The following MTMR7 variants were observed in gnomAD, a reference collection of about 807,000 sequenced individuals.
MTMR7 encodes the protein myotubularin related protein 7.
MTMR7 carries 76 observed loss-of-function variants against 81.2 expected under a neutral mutation model. That is an observed-to-expected ratio of 0.94 (90% confidence interval 0.78 to 1.13). The LOEUF (loss-of-function observed/expected upper bound fraction) is 1.13. Among genes scored for constraint, MTMR7 ranks in the 50% most tolerant of loss-of-function variants. MTMR7 has a pLI of 0.00. For synonymous variants in MTMR7, 372 were observed against 289.8 expected, an observed-to-expected ratio of 1.28 and a Z score of -2.88; for missense variants, 1,044 against 820.0, an observed-to-expected ratio of 1.27 and a Z score of -3.34.
At chr8:17,332,142 G>A (rs887449104) in intron 6 of MTMR7, among the ~76,000 whole-genome samples, 1 of 152,086 alleles carries the variant, frequency 6.6e-6, no homozygotes, top group Admixed American at 6.6e-5. Flanking sequence ...AACAGCATTC[G>A]CTGACCATTC....
intron 6 of MTMR7, among the ~76,000 whole-genome samples, chr8:17,337,125 A>T (rs1351959030): frequency 1.3e-5 from 2 of 152,146 alleles, no homozygotes; most frequent in African/African-American, 4.8e-5. Context: ...TAATCCTAGC[A>T]CTTTGGGAGG....
chr8:17,327,022 A>T (rs1818716337), intron 7 of MTMR7, among the ~76,000 whole-genome samples: 1 of 152,248 alleles, frequency 6.6e-6, no homozygotes, highest in Admixed American at 6.5e-5. Context: ...CTTTCTTCAG[A>T]CATATGATTT....
intron 1 of MTMR7, among the ~76,000 whole-genome samples, chr8:17,409,082 A>G (rs897344983): frequency 2.6e-5 from 4 of 152,208 alleles, no homozygotes; most frequent in South Asian, 2.1e-4. Flanking sequence ...CTAATACTAT[A>G]AGATCCACAA....
At chr8:17,348,917 G>A (rs778949168) in intron 5 of MTMR7, 36 bp downstream of exon 5, 8 of 1,612,460 alleles carry the variant, frequency 5.0e-6, no homozygotes, top group East Asian at 2.2e-5. Context: ...AACTAGAAAA[G>A]CAAAGTGTAA....
At chr8:17,395,857 A>C (rs910981428) in intron 1 of MTMR7, among the ~76,000 whole-genome samples, 25 of 152,284 alleles carry the variant, frequency 1.6e-4, no homozygotes, top group African/African-American at 5.8e-4. Flanking sequence ...TAAGCATAGA[A>C]ACCAGAAAAA....
intron 1 of MTMR7, among the ~76,000 whole-genome samples, chr8:17,398,439 G>T (rs1232719320): frequency 6.6e-6 from 1 of 152,032 alleles, no homozygotes; most frequent in Non-Finnish European, 1.5e-5. Context: ...CTTAATAGCA[G>T]AATTGACCAA....
chr8:17,405,736 G>C (rs761581035), intron 1 of MTMR7, among the ~76,000 whole-genome samples: 1 of 151,670 alleles, frequency 6.6e-6, no homozygotes, highest in Admixed American at 6.6e-5. Flanking sequence ...TCATAATGTG[G>C]ACTATGTGGT....
At chr8:17,317,767 G>A (rs1258669567) in intron 7 of MTMR7, among the ~76,000 whole-genome samples, 1 of 152,110 alleles carries the variant, frequency 6.6e-6, no homozygotes, top group Non-Finnish European at 1.5e-5. Flanking sequence ...AGCTTACTTT[G>A]GGGTTTCTCA....
intron 1 of MTMR7, among the ~76,000 whole-genome samples, chr8:17,386,350 G>C (rs1019045714): frequency 6.6e-6 from 1 of 152,180 alleles, no homozygotes; most frequent in Non-Finnish European, 1.5e-5. Flanking sequence ...TGCATTGCAG[G>C]CTGGGCAGCA....
At chr8:17,383,483 T>C (rs1174692631) in intron 1 of MTMR7, among the ~76,000 whole-genome samples, 2 of 152,202 alleles carry the variant, frequency 1.3e-5, no homozygotes, top group Non-Finnish European at 2.9e-5. Flanking sequence ...AAGCCTCGCA[T>C]CTAGAAAGTG....
At chr8:17,347,285 A>G (rs770800977) in intron 5 of MTMR7, among the ~76,000 whole-genome samples, 5 of 152,148 alleles carry the variant, frequency 3.3e-5, no homozygotes, top group Non-Finnish European at 7.3e-5. Flanking sequence ...TTAATAAAAT[A>G]CTTTAGACCC....
intron 1 of MTMR7, among the ~76,000 whole-genome samples, chr8:17,382,837 A>G (rs1820800982): frequency 6.6e-6 from 1 of 152,248 alleles, no homozygotes; most frequent in Non-Finnish European, 1.5e-5. Context: ...GTCAAGCACA[A>G]AAATGAACAT....
intron 3 of MTMR7, among the ~76,000 whole-genome samples, chr8:17,370,200 T>C (rs184918311): frequency 2.0e-5 from 3 of 151,512 alleles, no homozygotes; most frequent in Non-Finnish European, 4.4e-5. Context: ...TCTAGTTGTA[T>C]CAACCTTGGA....
At chr8:17,338,183 G>C (rs957585506) in intron 6 of MTMR7, among the ~76,000 whole-genome samples, 1 of 152,240 alleles carries the variant, frequency 6.6e-6, no homozygotes, top group Non-Finnish European at 1.5e-5. Context: ...GGCATGGCTT[G>C]TACGAAACCC....
intron 6 of MTMR7, among the ~76,000 whole-genome samples, chr8:17,339,430 CTCT>C (rs1819345390): frequency 6.6e-6 from 1 of 152,190 alleles, no homozygotes; most frequent in Non-Finnish European, 1.5e-5. Flanking sequence ...CTCACCATTT[CTCT>C]CCCTTCCCCC....
At chr8:17,301,747 C>T (rs1563311834) in intron 13 of MTMR7, 2 of 192,248 alleles carry the variant, frequency 1.0e-5, no homozygotes, top group South Asian at 1.5e-4. Context: ...TCAGTCTCCC[C>T]TTTACCAATT....
chr8:17,334,281 A>G (rs1055024476), intron 6 of MTMR7, among the ~76,000 whole-genome samples: 5 of 152,196 alleles, frequency 3.3e-5, no homozygotes, highest in African/African-American at 1.2e-4. Context: ...TAAAAATTCA[A>G]TGTTATCTTG....
chr8:17,357,826 G>T (rs1819941954), intron 4 of MTMR7, among the ~76,000 whole-genome samples: 1 of 152,202 alleles, frequency 6.6e-6, no homozygotes, highest in Non-Finnish European at 1.5e-5. Context: ...ACAGCACATG[G>T]ATCCCTGGCA....
intron 10 of MTMR7, among the ~76,000 whole-genome samples, chr8:17,308,792 C>A (rs1175801353): frequency 2.0e-5 from 3 of 152,154 alleles, no homozygotes; most frequent in Admixed American, 6.5e-5. Context: ...AATATCATGG[C>A]CTGGATCTGG....
Sources: gnomAD v4.1 joint callset for allele counts (sites outside exome capture counted in the v4.1 genomes callset) on GRCh38, gnomAD v4.1.1 for gene constraint, MANE v1.5 for transcripts, NCBI Gene and HGNC (gene_info 2026-07-23, HGNC 2026-07-21) for gene names.